ZFHX4: variants seen among roughly 807,000 people sequenced by gnomAD.
ZFHX4 encodes the protein zinc finger homeobox 4.
In ZFHX4, 56 loss-of-function variants were observed where a neutral mutation model predicts 267.6. The observed-to-expected ratio is 0.21, with a 90% CI of 0.17 to 0.26. The LOEUF (loss-of-function observed/expected upper bound fraction) is 0.26. ZFHX4 is among the 10% of genes least tolerant of loss of function. ZFHX4 has a pLI of 1.00. For missense variants in ZFHX4, 4,332 were observed against 4,420.0 expected (o/e 0.98, Z 0.56); for synonymous variants, 1,778 against 1,665.6 (o/e 1.07, Z -1.64).
intron 1 of ZFHX4, among the ~76,000 whole-genome samples, chr8:76,702,639 T>C (rs1366936041): frequency 6.6e-6 from 1 of 152,188 alleles, no homozygotes; most frequent in Non-Finnish European, 1.5e-5. Context: ...TCATAACCAA[T>C]ATGATATGCA....
At chr8:76,723,071 T>C (rs1808766642) in intron 3 of ZFHX4, among the ~76,000 whole-genome samples, 1 of 152,072 alleles carries the variant, frequency 6.6e-6, no homozygotes, top group South Asian at 2.1e-4. Flanking sequence ...TCAATATACA[T>C]TCTTTCTTAG....
chr8:76,770,958 AG>A (rs1810248720), intron 3 of ZFHX4, among the ~76,000 whole-genome samples: 1 of 152,134 alleles, frequency 6.6e-6, no homozygotes, highest in Non-Finnish European at 1.5e-5. Flanking sequence ...CTTAGGTATA[AG>A]GATTCCATTC....
chr8:76,819,128 A>C (rs1811578422), intron 4 of ZFHX4, among the ~76,000 whole-genome samples: 1 of 147,934 alleles, frequency 6.8e-6, no homozygotes, highest in East Asian at 2.0e-4. Flanking sequence ...AGGGGAAGTA[A>C]TGTGCTCATA....
chr8:76,684,267 C>T (rs1807635527), intron 1 of ZFHX4, among the ~76,000 whole-genome samples: 1 of 151,144 alleles, frequency 6.6e-6, no homozygotes, highest in Admixed American at 6.6e-5. Flanking sequence ...AAAAAAAATC[C>T]TTAAGGGAAT....
At chr8:76,771,052 T>C (rs1193466157) in intron 3 of ZFHX4, among the ~76,000 whole-genome samples, 1 of 152,168 alleles carries the variant, frequency 6.6e-6, no homozygotes, top group African/African-American at 2.4e-5. Context: ...CCTAGCCATA[T>C]GGTCATTCTA....
At chr8:76,756,631 A>T (rs898586758) in intron 3 of ZFHX4, among the ~76,000 whole-genome samples, 1 of 145,052 alleles carries the variant, frequency 6.9e-6, no homozygotes, top group African/African-American at 2.4e-5. Flanking sequence ...AACTTTTCTC[A>T]ATCATTTCGT....
At chr8:76,835,026 G>A (rs1812034188) in intron 5 of ZFHX4, among the ~76,000 whole-genome samples, 2 of 149,588 alleles carry the variant, frequency 1.3e-5, no homozygotes, top group Non-Finnish European at 3.0e-5. Flanking sequence ...TTTTCACATC[G>A]ATATTTATGC....
At chr8:76,819,234 G>A (rs1811583087) in intron 4 of ZFHX4, among the ~76,000 whole-genome samples, 1 of 149,166 alleles carries the variant, frequency 6.7e-6, no homozygotes, top group South Asian at 2.1e-4. Context: ...AAACAGTGTT[G>A]GGGCTCTGTT....
At chr8:76,779,108 G>A (rs929023048) in intron 4 of ZFHX4, among the ~76,000 whole-genome samples, 4 of 152,046 alleles carry the variant, frequency 2.6e-5, no homozygotes, top group African/African-American at 7.2e-5. Context: ...AACCACATGC[G>A]AAACTTTATG....
intron 3 of ZFHX4, among the ~76,000 whole-genome samples, chr8:76,731,122 G>C (rs1033570006): frequency 3.9e-5 from 6 of 152,142 alleles, no homozygotes; most frequent in Non-Finnish European, 8.8e-5. Context: ...ACACATGGAA[G>C]ACATCCAGAA....
At position 76,853,070 on chromosome 8, in the gene ZFHX4, C is replaced by G; in HGVS notation, c.6149C>G (p.Pro2050Arg). The part of the protein sequence containing the change: ...PTPPPPPPPP[P>R]PPPPPPPPPP... The stretch of plus-strand genomic sequence containing the variant: ...CCTCCCCCACCACCACCACCTCCTC[C>G]TCCTCCTCCTCCTCCCCCCCCACCT... Residue 2050 changes from proline to arginine, a missense_variant, in exon 10 of 11, where the codon CCT becomes CGT. Physicochemically the swap from Pro to Arg is moderately radical, Grantham distance 103. Around this residue, in one of 7 missense-constraint regions of ZFHX4, gnomAD observed 1,371 missense variants for 1,423.1 expected, o/e 0.96. Transcript: ENST00000651372. 8.9e-7 allele frequency: 1 copy of G among 1,120,090 alleles called. No homozygotes were observed. Among genetic ancestry groups the G allele is most frequent in the African/African-American group, 1.6e-5 (1 of 60,988 alleles). The allele number at this position is 1,120,090 out of a possible 1,614,324, so 69.4% of individuals were successfully genotyped here.
chr8:76,696,038 A>G (rs992887935), intron 1 of ZFHX4, among the ~76,000 whole-genome samples: 4 of 152,144 alleles, frequency 2.6e-5, no homozygotes, highest in Non-Finnish European at 5.9e-5. Context: ...TGACAGCTCC[A>G]CTTGTTCTTG....
chr8:76,856,164 A>G lies in ZFHX4; in HGVS notation c.9243A>G (p.Pro3081=). The G allele has an allele frequency of 1.2e-6, 2 of 1,614,010 alleles. No homozygotes were observed. Among genetic ancestry groups the G allele is most frequent in the Non-Finnish European group, 1.7e-6 (2 of 1,179,862 alleles). The part of the protein sequence containing the change: ...SDVLGLTVQQ[P]GMMDSSSLHG... ...TGCTGGGCTTGACGGTACAGCAGCC[A>G]GGCATGATGGACAGCAGTTCTCTCC... The change falls in exon 10 of 11, where the codon CCA becomes CCG. Residue 3081 remains proline (P), a synonymous_variant. Coordinates refer to ENST00000651372, the MANE Select transcript of ZFHX4 (RefSeq NM_024721.5).
At chr8:76,799,902 C>T (rs549559080) in intron 4 of ZFHX4, among the ~76,000 whole-genome samples, 1 of 152,270 alleles carries the variant, frequency 6.6e-6, no homozygotes, top group Non-Finnish European at 1.5e-5. Context: ...CACTTGATCA[C>T]TGCAAAAAAC....
At chr8:76,814,005 A>G (rs949477863) in intron 4 of ZFHX4, among the ~76,000 whole-genome samples, 2 of 152,120 alleles carry the variant, frequency 1.3e-5, no homozygotes, top group Non-Finnish European at 2.9e-5. Context: ...GTCTTCATGT[A>G]GACATGTCCA....
chr8:76,705,475 A>G lies in ZFHX4; in HGVS notation c.1387A>G (p.Lys463Glu). 1 of 1,613,798 alleles carries G rather than the reference A, an allele frequency of 6.2e-7. No individual in the cohort carries two copies. Among genetic ancestry groups the G allele is most frequent in the East Asian group, 2.2e-5 (1 of 44,882 alleles). The part of the protein sequence containing the change: ...VLHPNGECPV[K>E]SEPTEPGDED... Reference sequence around the variant, plus strand: ...ACACCCAAACGGGGAGTGCCCTGTCAAAAGTGAACCCACTGAACCGGGAGA... The same window carrying G: ...ACACCCAAACGGGGAGTGCCCTGTCGAAAGTGAACCCACTGAACCGGGAGA... The change falls in exon 2 of 11, where the codon AAA (lysine) becomes GAA (glutamate). Residue 463 changes from lysine to glutamate, a missense_variant. Physicochemically the swap from Lys to Glu is moderately conservative, Grantham distance 56. This residue lies in a region of ZFHX4 where 1,195 missense variants were observed against 1,173.6 expected (regional missense o/e 1.02). Transcript: ENST00000651372.
intron 1 of ZFHX4, among the ~76,000 whole-genome samples, chr8:76,681,943 G>A (rs911723581): frequency 6.6e-6 from 1 of 152,158 alleles, no homozygotes; most frequent in African/African-American, 2.4e-5. Flanking sequence ...GCGTTTTTCC[G>A]GATTTAACTT....
In ZFHX4 at chr8:76,795,906, C is replaced by G. The variant is rs1216813770; in HGVS notation, c.3325+17467C>G. Among the ~76,000 whole-genome samples, 3 of 152,184 alleles carry G rather than the reference C, an allele frequency of 2.0e-5. No individual in the cohort carries two copies. The East Asian group carries it at 5.8e-4, about 29-fold the overall frequency. On this transcript the variant is annotated intron_variant, in intron 4 of 10. Coordinates refer to ENST00000651372, the MANE Select transcript of ZFHX4 (RefSeq NM_024721.5). ...ATTTTCATGGAATATACAGTAAGGG[C>G]TATTCTAAGTACCATTGTAAAACCT...
rs1239186261 is a variant in ZFHX4 at position 76,862,394 on chromosome 8, G to A, written c.9380-700G>A. On this transcript the variant is annotated intron_variant, in intron 10 of 10. Transcript: ENST00000651372. The stretch of plus-strand genomic sequence containing the variant: ...ATATGCAGTTCCTGTCAAGTACCCT[G>A]TTAGGCAAGTTGTCAGGATGGTAAC... 2.0e-5 allele frequency among the ~76,000 whole-genome samples: 3 copies of A among 152,284 alleles called. No homozygotes were observed. The East Asian group carries it at 5.8e-4, about 29-fold the overall frequency.
Sources: allele counts gnomAD v4.1 joint callset (sites outside exome capture counted in the v4.1 genomes callset), GRCh38; gene constraint gnomAD v4.1.1; regional missense constraint gnomAD v4.1.1; transcripts MANE v1.5; gene names NCBI Gene and HGNC (gene_info 2026-07-23, HGNC 2026-07-21).